PAK1: variants seen among roughly 807,000 people sequenced by gnomAD.
PAK1 encodes the protein serine/threonine-protein kinase PAK 1.
A neutral mutation model predicts 67.4 loss-of-function variants in PAK1; 29 were observed. The observed-to-expected ratio is 0.43, with a 90% CI of 0.32 to 0.59. PAK1 has a LOEUF of 0.59. PAK1 is among the 20% of genes least tolerant of loss of function. The pLI is 0.07. For missense variants in PAK1, 337 were observed against 670.7 expected (o/e 0.50, Z 5.50); for synonymous variants, 223 against 237.4 (o/e 0.94, Z 0.56).
chr11:77,499,448 TAC>T, the PAK1 span, among the ~76,000 whole-genome samples: 378 of 152,312 alleles, frequency 2.5e-3, 1 homozygote, highest in Middle Eastern at 3.4e-3. Context: ...CTACTATTCA[TAC>T]AGTTTTAGAG....
At chr11:77,381,012 A>G (rs1279008014) in intron 2 of PAK1, among the ~76,000 whole-genome samples, 1 of 152,146 alleles carries the variant, frequency 6.6e-6, no homozygotes, top group African/African-American at 2.4e-5. Context: ...CACACTAACC[A>G]AAAGAAATTC....
chr11:77,519,047 A>G, the PAK1 span, among the ~76,000 whole-genome samples: 2 of 152,168 alleles, frequency 1.3e-5, no homozygotes, highest in South Asian at 2.1e-4. Flanking sequence ...AATATTTTCT[A>G]CATAACCACA....
chr11:77,387,234 G>A (rs558107102), intron 2 of PAK1, among the ~76,000 whole-genome samples: 84 of 149,978 alleles, frequency 5.6e-4, no homozygotes, highest in African/African-American at 1.8e-3. Context: ...CACCACAACC[G>A]GCTAATTTCT....
At chr11:77,332,071 A>T (rs1941670607) in intron 14 of PAK1, among the ~76,000 whole-genome samples, 1 of 151,652 alleles carries the variant, frequency 6.6e-6, no homozygotes, top group South Asian at 2.1e-4. Context: ...GGGAAAGCGA[A>T]GTGCGCAGAT....
At chr11:77,343,691 G>A (rs1943982416) in intron 10 of PAK1, 128 bp downstream of exon 10, 1 of 672,598 alleles carries the variant, frequency 1.5e-6, no homozygotes, top group African/African-American at 1.8e-5. Context: ...CATACAGAGA[G>A]CTCAGCATCA....
chr11:77,489,624 T>C, the PAK1 span, among the ~76,000 whole-genome samples: 1 of 151,452 alleles, frequency 6.6e-6, no homozygotes, highest in African/African-American at 2.5e-5. Context: ...GGTTTTCGTA[T>C]TTTTTTGGTG....
At position 77,323,081 on chromosome 11, in the gene PAK1, C is replaced by G. The variant is rs1343267419; in HGVS notation, c.*193G>C. On this transcript the variant is annotated 3_prime_UTR_variant, in exon 15 of 15. Coordinates refer to ENST00000356341, the MANE Select transcript of PAK1 (RefSeq NM_002576.5). ...TTCCTTATTTAGAAATGGCCATCAT[C>G]TGATTAGTCATTCAGTTGCAGTTCT... 4.0e-6 allele frequency: 4 copies of G among 996,474 alleles called. No homozygotes were observed. The highest frequency in any genetic ancestry group is 6.1e-6 in the Non-Finnish European group (4 of 651,766). 61.7% of individuals were successfully genotyped at this position (996,474 alleles called of 1,614,324 possible). A position where few individuals can be genotyped will look rare whatever the true frequency, so the allele number is the denominator to read the frequency against.
chr11:77,434,454 T>C (rs1956016336), intron 1 of PAK1, among the ~76,000 whole-genome samples: 1 of 152,026 alleles, frequency 6.6e-6, no homozygotes, highest in Non-Finnish European at 1.5e-5. Flanking sequence ...TCTTTTTTTT[T>C]TTGGAGAGGG....
At chr11:77,422,127 C>T (rs1019373011) in intron 1 of PAK1, among the ~76,000 whole-genome samples, 5 of 152,150 alleles carry the variant, frequency 3.3e-5, no homozygotes, top group Non-Finnish European at 7.3e-5. Context: ...TACCTCTAGA[C>T]TGGAAAGGTA....
chr11:77,438,828 T>C (rs1956236718), intron 1 of PAK1, among the ~76,000 whole-genome samples: 1 of 152,190 alleles, frequency 6.6e-6, no homozygotes, highest in African/African-American at 2.4e-5. Flanking sequence ...ATAGACTATA[T>C]GATCAGTAAA....
chr11:77,409,850 T>C (rs774216005), intron 1 of PAK1, among the ~76,000 whole-genome samples: 7 of 152,246 alleles, frequency 4.6e-5, no homozygotes, highest in Admixed American at 1.3e-4. Context: ...AACTGAACTG[T>C]ACACTTAAAC....
chr11:77,342,945 T>C lies in PAK1; in HGVS notation c.998+874A>G, dbSNP rs190208594. Among the ~76,000 whole-genome samples, 549 of 151,928 alleles carry C rather than the reference T, an allele frequency of 3.6e-3. 5 individuals carry two copies. Among genetic ancestry groups the C allele is most frequent in the African/African-American group, 0.012 (518 of 41,460 alleles). On this transcript the variant is annotated intron_variant, in intron 10 of 14. Transcript: ENST00000356341. ...TGATAAAATAGAAAGGTGCTAGATATTGGTGCTAGGAATATTCAAATTCAA... is the reference window on the plus strand; with the variant it reads ...TGATAAAATAGAAAGGTGCTAGATACTGGTGCTAGGAATATTCAAATTCAA...
At chr11:77,420,635 C>T (rs1169093609) in intron 1 of PAK1, among the ~76,000 whole-genome samples, 2 of 152,216 alleles carry the variant, frequency 1.3e-5, no homozygotes, top group East Asian at 3.8e-4. Flanking sequence ...AACAGATCTA[C>T]GGTCCAACCA....
In PAK1 at chr11:77,409,302, C is replaced by T. The variant is rs151314852; in HGVS notation, c.-21-16761G>A. Among the ~76,000 whole-genome samples, 13 of 151,880 alleles carry T rather than the reference C, an allele frequency of 8.6e-5. No individual in the cohort carries two copies. In the East Asian group the frequency reaches 1.9e-3, roughly 23 times the overall value. On this transcript the variant is annotated intron_variant, in intron 1 of 14. Transcript: ENST00000356341. Reference sequence around the variant, plus strand: ...AGAAAAAGAAAAAGACAGGCAATAACAGATGCTGGCAAGGATGGGGAGAAA... The same window carrying T: ...AGAAAAAGAAAAAGACAGGCAATAATAGATGCTGGCAAGGATGGGGAGAAA...
chr11:77,525,043 G>A, the PAK1 span, among the ~76,000 whole-genome samples: 5 of 152,010 alleles, frequency 3.3e-5, no homozygotes, highest in Admixed American at 6.6e-5. Context: ...TTAGTAACTC[G>A]GATTTAAAAG....
chr11:77,520,645 C>T, the PAK1 span, among the ~76,000 whole-genome samples: 10 of 152,006 alleles, frequency 6.6e-5, no homozygotes, highest in Non-Finnish European at 1.0e-4. Context: ...AGGAGTGTCC[C>T]GTACTATGGA....
In PAK1 at chr11:77,469,135, C is replaced by A. The variant is rs1957734239; in HGVS notation, c.-22+4417G>T. On this transcript the variant is annotated intron_variant, in intron 1 of 14. Coordinates refer to ENST00000356341, the MANE Select transcript of PAK1 (RefSeq NM_002576.5). ...GCAAAACATTCCTATATCCTCTGTG[C>A]AGAAACATTAAAAGCAGCCTCTGTA... 2.0e-5 allele frequency among the ~76,000 whole-genome samples: 3 copies of A among 152,158 alleles called. No individual in the cohort carries two copies. In the South Asian group the frequency reaches 6.2e-4, roughly 31 times the overall value.
At chr11:77,333,101 CAT>C (rs1339484994) in intron 13 of PAK1, among the ~76,000 whole-genome samples, 5 of 151,650 alleles carry the variant, frequency 3.3e-5, no homozygotes, top group Admixed American at 3.3e-4. Context: ...GCCCATCTCA[CAT>C]GTCTGTAAAA....
At chr11:77,448,787 T>C (rs764729761) in intron 1 of PAK1, among the ~76,000 whole-genome samples, 2 of 152,194 alleles carry the variant, frequency 1.3e-5, no homozygotes, top group Non-Finnish European at 2.9e-5. Context: ...GGGAAGTTTT[T>C]TGTGGAAAGC....
Sources: allele counts gnomAD v4.1 joint callset (sites outside exome capture counted in the v4.1 genomes callset), GRCh38; gene constraint gnomAD v4.1.1; transcripts MANE v1.5; gene names NCBI Gene and HGNC (gene_info 2026-07-23, HGNC 2026-07-21).